TMEM151A: variants seen among roughly 807,000 people sequenced by gnomAD.
The protein encoded by TMEM151A is transmembrane protein 151.
A neutral mutation model predicts 33.7 loss-of-function variants in TMEM151A; 21 were observed. That is an observed-to-expected ratio of 0.62 (90% confidence interval 0.44 to 0.90). TMEM151A has a LOEUF of 0.90. Among genes scored for constraint, TMEM151A ranks in the 40% least tolerant of loss-of-function variants. The probability of loss-of-function intolerance (pLI) is 0.00; values close to 1 mark genes in which losing one functional copy is unlikely to be tolerated. For missense variants in TMEM151A, 704 were observed against 697.7 expected, an observed-to-expected ratio of 1.01 and a Z score of -0.10; for synonymous variants, 374 against 330.3, an observed-to-expected ratio of 1.13 and a Z score of -1.43.
rs1305463827 is a variant in TMEM151A at position 66,291,964 on chromosome 11, C to A, written c.-50C>A. The stretch of plus-strand genomic sequence containing the variant: ...CGCGTCGCAGCCCTCCGTGCTCCCC[C>A]CTATCATGCCCGGTGCCCAGGCTGG... On this transcript the variant is annotated 5_prime_UTR_variant, in exon 1 of 2. Coordinates refer to ENST00000327259, the MANE Select transcript of TMEM151A (RefSeq NM_153266.4). 2.1e-6 allele frequency: 3 copies of A among 1,453,216 alleles called. No individual in the cohort carries two copies. The highest frequency in any genetic ancestry group is 3.0e-5 in the African/African-American group (2 of 67,402). 90.0% of individuals were successfully genotyped at this position (1,453,216 alleles called of 1,614,324 possible).
At chr11:66,293,468 C>T (rs1376077116) in intron 1 of TMEM151A, among the ~76,000 whole-genome samples, 1 of 152,088 alleles carries the variant, frequency 6.6e-6, no homozygotes, top group East Asian at 1.9e-4. Flanking sequence ...GGCAAGCCCT[C>T]TGAGCCAGGG....
intron 1 of TMEM151A, among the ~76,000 whole-genome samples, chr11:66,294,081 T>C (rs1377781892): frequency 6.6e-6 from 1 of 152,208 alleles, no homozygotes; most frequent in South Asian, 2.1e-4. Flanking sequence ...TGCCGAGTGC[T>C]AGCACGGCAC....
At position 66,295,607 on chromosome 11, in the gene TMEM151A, T is replaced by C. The variant is rs1414617767; in HGVS notation, c.1361T>C (p.Val454Ala). ...EDALYFPVLIVHGDSGCQGDG... is the reference protein window; with the variant it reads ...EDALYFPVLIAHGDSGCQGDG... Reference sequence around the variant, plus strand: ...GCCCTCTACTTCCCGGTGCTCATTGTCCACGGAGACAGCGGCTGCCAGGGG... The same window carrying C: ...GCCCTCTACTTCCCGGTGCTCATTGCCCACGGAGACAGCGGCTGCCAGGGG... The change falls in exon 2 of 2, where the codon GTC becomes GCC. Residue 454 changes from valine to alanine, a missense_variant. Physicochemically the swap from Val to Ala is moderately conservative, Grantham distance 64. Transcript: ENST00000327259. The C allele has an allele frequency of 3.9e-6, 6 of 1,548,404 alleles. No homozygotes were observed. The highest frequency in any genetic ancestry group is 1.4e-5 in the African/African-American group (1 of 70,126).
rs770025041 is a variant in TMEM151A at position 66,292,243 on chromosome 11, G to A, written c.75+155G>A. On this transcript the variant is annotated intron_variant, in intron 1 of 1. Transcript: ENST00000327259. The surrounding 1 kb of genome is among the most constrained non-coding windows in gnomAD (Gnocchi z 4.7). ...CACCTGCGCCCTGCCAAGGGTCCAG[G>A]GGCCCGCGTTGGGGGTAGGGGTGGG... 6.6e-6 allele frequency among the ~76,000 whole-genome samples: 1 copy of A among 152,096 alleles called. No homozygotes were observed. Among genetic ancestry groups the A allele is most frequent in the Non-Finnish European group, 1.5e-5 (1 of 67,992 alleles).
rs768727844 is a variant in TMEM151A, at chr11:66,295,460, G to C, written c.1214G>C (p.Arg405Pro). 1.3e-5 allele frequency: 18 copies of C among 1,426,880 alleles called. 1 individual carries two copies. In the South Asian group the frequency reaches 2.7e-4, roughly 21 times the overall value. The allele number at this position is 1,426,880 out of a possible 1,614,324, so 88.4% of individuals were successfully genotyped here. ...CCCCGCCTGCCCTTCAGCCGCAGCCGCCTCTCGCTGGGCGCTGGCGGCCGG... is the reference window on the plus strand; with the variant it reads ...CCCCGCCTGCCCTTCAGCCGCAGCCCCCTCTCGCTGGGCGCTGGCGGCCGG... ...SGPRLPFSRS[R>P]LSLGAGGRAT... Residue 405 changes from arginine (R) to proline (P), a missense_variant, in exon 2 of 2, where the codon CGC becomes CCC. This residue lies in a region of TMEM151A where 398 missense variants were observed against 356.0 expected (regional missense o/e 1.12). Coordinates refer to ENST00000327259, the MANE Select transcript of TMEM151A (RefSeq NM_153266.4).
chr11:66,295,012 C>G lies in TMEM151A; in HGVS notation c.766C>G (p.Arg256Gly). Reference sequence around the variant, plus strand: ...GGGCCTGGACGACTATCTGGAGGCGCGCGAGGGCATGCACCTGAAGGACGT... The same window carrying G: ...GGGCCTGGACGACTATCTGGAGGCGGGCGAGGGCATGCACCTGAAGGACGT... ...NEGLDDYLEA[R>G]EGMHLKDVDF... The change falls in exon 2 of 2, where the codon CGC becomes GGC. Residue 256 changes from arginine to glycine, a missense_variant. This residue lies in a region of TMEM151A where 398 missense variants were observed against 356.0 expected (regional missense o/e 1.12). Transcript: ENST00000327259. The G allele has an allele frequency of 2.5e-6, 4 of 1,596,088 alleles. No individual in the cohort carries two copies. The highest frequency in any genetic ancestry group is 3.4e-6 in the Non-Finnish European group (4 of 1,177,778).
In TMEM151A at chr11:66,292,627, C is replaced by T. The variant is rs951825447; in HGVS notation, c.75+539C>T. On this transcript the variant is annotated intron_variant, in intron 1 of 1. Transcript: ENST00000327259. The surrounding 1 kb of genome is among the most constrained non-coding windows in gnomAD (Gnocchi z 4.7). ...CCTCAGCCCTAGCCAGGAAGGTCTGCAGGACCTGGGGCCCCGAGTGATGTG... is the reference window on the plus strand; with the variant it reads ...CCTCAGCCCTAGCCAGGAAGGTCTGTAGGACCTGGGGCCCCGAGTGATGTG... 1.3e-5 allele frequency among the ~76,000 whole-genome samples: 2 copies of T among 152,226 alleles called. No individual in the cohort carries two copies. The highest frequency in any genetic ancestry group is 2.4e-5 in the African/African-American group (1 of 41,458).
At position 66,295,283 on chromosome 11, in the gene TMEM151A, T is replaced by C. The variant is rs1857505049; in HGVS notation, c.1037T>C (p.Leu346Pro). 6.3e-6 allele frequency: 10 copies of C among 1,576,276 alleles called. No individual in the cohort carries two copies. Among genetic ancestry groups the C allele is most frequent in the Non-Finnish European group, 8.6e-6 (10 of 1,161,392 alleles). Residue 346 changes from leucine (L) to proline (P), a missense_variant, in exon 2 of 2, where the codon CTC becomes CCC. Around this residue, in one of 3 missense-constraint regions of TMEM151A, gnomAD observed 398 missense variants for 356.0 expected, o/e 1.12. Transcript: ENST00000327259. Reference protein sequence around the residue: ...SRVATVDFTELEWHICSNRQL... With the variant: ...SRVATVDFTEPEWHICSNRQL... ...GTGGCCACAGTGGACTTCACTGAGC[T>C]CGAGTGGCACATCTGCTCCAACCGG...
At position 66,295,767 on chromosome 11, in the gene TMEM151A, G is replaced by A. The variant is rs1192891141; in HGVS notation, c.*114G>A. 6.6e-6 allele frequency: 7 copies of A among 1,065,050 alleles called. No individual in the cohort carries two copies. The highest frequency in any genetic ancestry group is 3.4e-4 in the Middle Eastern group (1 of 2,966). 66.0% of individuals were successfully genotyped at this position (1,065,050 alleles called of 1,614,324 possible). ...AAAACAGACCAGCCACACACAAGGGGCAGGGGTGAGGGTGGGGGTGGGGGT... is the reference window on the plus strand; with the variant it reads ...AAAACAGACCAGCCACACACAAGGGACAGGGGTGAGGGTGGGGGTGGGGGT... On this transcript the variant is annotated 3_prime_UTR_variant, in exon 2 of 2. Coordinates refer to ENST00000327259, the MANE Select transcript of TMEM151A (RefSeq NM_153266.4).
Position 66,295,735 on chromosome 11 carries a change from A to G in TMEM151A, c.*82A>G. ...TGCCCGAGTGATTGTTGTCCAAAACAGGCGGGAAAACAGACCAGCCACACA... is the reference window on the plus strand; with the variant it reads ...TGCCCGAGTGATTGTTGTCCAAAACGGGCGGGAAAACAGACCAGCCACACA... On this transcript the variant is annotated 3_prime_UTR_variant, in exon 2 of 2. Transcript: ENST00000327259. The G allele has an allele frequency of 8.1e-7, 1 of 1,239,448 alleles. No homozygotes were observed. 76.8% of individuals were successfully genotyped at this position (1,239,448 alleles called of 1,614,324 possible). A position where few individuals can be genotyped will look rare whatever the true frequency, so the allele number is the denominator to read the frequency against.
chr11:66,293,043 C>T (rs1312030532), intron 1 of TMEM151A, among the ~76,000 whole-genome samples: 2 of 151,960 alleles, frequency 1.3e-5, no homozygotes, highest in East Asian at 1.9e-4. Flanking sequence ...TACCATGCTA[C>T]GGTTCTGGGA....
rs975585054 is a variant in TMEM151A, at chr11:66,296,015, C to T, written c.*362C>T. The T allele has an allele frequency of 4.1e-5, 8 of 195,792 alleles. No individual in the cohort carries two copies. Among genetic ancestry groups the T allele is most frequent in the South Asian group, 1.9e-4 (1 of 5,256 alleles). 12.1% of individuals were successfully genotyped at this position (195,792 alleles called of 1,614,324 possible). ...AGGCTGCCTGTGGACACTTCCCTACCGGGGCTGAGGCCATGCTGGGAGCCC... is the reference window on the plus strand; with the variant it reads ...AGGCTGCCTGTGGACACTTCCCTACTGGGGCTGAGGCCATGCTGGGAGCCC... On this transcript the variant is annotated 3_prime_UTR_variant, in exon 2 of 2. Transcript: ENST00000327259.
chr11:66,292,065 G>A lies in TMEM151A; in HGVS notation c.52G>A (p.Asp18Asn). The change falls in exon 1 of 2, where the codon GAC (aspartate) becomes AAC (asparagine). Residue 18 changes from aspartate (D) to asparagine (N), a missense_variant. This residue lies in a region of TMEM151A where 301 missense variants were observed against 323.4 expected (regional missense o/e 0.93). Coordinates refer to ENST00000327259, the MANE Select transcript of TMEM151A (RefSeq NM_153266.4). This position sits in a 1 kb window ranked among gnomAD's most constrained non-coding sequence, Gnocchi z 4.7. ...CGGGGAGGTGCCCGCGCTCATCCCGGACGGCGAGCCGCTGCGGGAAGAGGT... is the reference window on the plus strand; with the variant it reads ...CGGGGAGGTGCCCGCGCTCATCCCGAACGGCGAGCCGCTGCGGGAAGAGGT... ...DGGEVPALIP[D>N]GEPLREEQRP... 5 of 1,488,278 alleles carry A rather than the reference G, an allele frequency of 3.4e-6. No homozygotes were observed. Among genetic ancestry groups the A allele is most frequent in the Non-Finnish European group, 3.5e-6 (4 of 1,126,948 alleles). 92.2% of individuals were successfully genotyped at this position (1,488,278 alleles called of 1,614,324 possible).
Position 66,292,311 on chromosome 11 carries a change from T to A in TMEM151A, c.75+223T>A, listed in dbSNP as rs6591210. On this transcript the variant is annotated intron_variant, in intron 1 of 1. Transcript: ENST00000327259. This position sits in a 1 kb window ranked among gnomAD's most constrained non-coding sequence, Gnocchi z 4.7. ...TGCGGGGCGACTTCCGCCCCCGGCG[T>A]CCCCTCATCCAGCCTCGCCCGTCCT... Among the ~76,000 whole-genome samples the A allele has an allele frequency of 1.2e-4, 19 of 152,128 alleles. No individual in the cohort carries two copies. The highest frequency in any genetic ancestry group is 2.5e-4 in the Non-Finnish European group (17 of 67,994).
In TMEM151A at chr11:66,295,851, G is replaced by A. The variant is rs1054552469; in HGVS notation, c.*198G>A. 10 of 443,326 alleles carry A rather than the reference G, an allele frequency of 2.3e-5. No individual in the cohort carries two copies. Among genetic ancestry groups the A allele is most frequent in the Non-Finnish European group, 3.8e-5 (10 of 263,168 alleles). The allele number at this position is 443,326 out of a possible 1,614,324, so 27.5% of individuals were successfully genotyped here. ...CATTTTGGAGGAAGTGGAAGCCTAA[G>A]AATCGCCCCCAGCATGGCTTCATCC... On this transcript the variant is annotated 3_prime_UTR_variant, in exon 2 of 2. Transcript: ENST00000327259.
Position 66,294,430 on chromosome 11 carries a change from T to C in TMEM151A, c.184T>C (p.Cys62Arg), listed in dbSNP as rs1415240844. Reference protein sequence around the residue: ...IHACGAVVAWCRLATVPRLVL... With the variant: ...IHACGAVVAWRRLATVPRLVL... ...CGCCTGCGGGGCCGTGGTGGCCTGGTGTCGCCTGGCCACAGTGCCGCGGCT... is the reference window on the plus strand; with the variant it reads ...CGCCTGCGGGGCCGTGGTGGCCTGGCGTCGCCTGGCCACAGTGCCGCGGCT... Residue 62 changes from cysteine to arginine, a missense_variant, in exon 2 of 2, where the codon TGT (cysteine) becomes CGT (arginine). Cys to Arg is a radical substitution (Grantham distance 180). This residue lies in a region of TMEM151A where 301 missense variants were observed against 323.4 expected (regional missense o/e 0.93). Transcript: ENST00000327259. The C allele has an allele frequency of 1.9e-6, 3 of 1,611,344 alleles. No homozygotes were observed. In the African/African-American group the frequency reaches 4.0e-5, roughly 22 times the overall value.
Position 66,292,026 on chromosome 11 carries a change from G to C in TMEM151A, c.13G>C (p.Gly5Arg). ...CAGCCAGGACACCATGCCCGAGGACGGCGCTGGCGACGGCGGGGAGGTGCC... is the reference window on the plus strand; with the variant it reads ...CAGCCAGGACACCATGCCCGAGGACCGCGCTGGCGACGGCGGGGAGGTGCC... MPED[G>R]AGDGGEVPAL... Residue 5 changes from glycine (G) to arginine (R), a missense_variant, in exon 1 of 2, where the codon GGC (glycine) becomes CGC (arginine). Around this residue, in one of 3 missense-constraint regions of TMEM151A, gnomAD observed 301 missense variants for 323.4 expected, o/e 0.93. Coordinates refer to ENST00000327259, the MANE Select transcript of TMEM151A (RefSeq NM_153266.4). This position sits in a 1 kb window ranked among gnomAD's most constrained non-coding sequence, Gnocchi z 4.7. 6.7e-7 allele frequency: 1 copy of C among 1,502,320 alleles called. No individual in the cohort carries two copies. The highest frequency in any genetic ancestry group is 8.8e-7 in the Non-Finnish European group (1 of 1,132,386). 93.1% of individuals were successfully genotyped at this position (1,502,320 alleles called of 1,614,324 possible).
chr11:66,295,343 T>G lies in TMEM151A; in HGVS notation c.1097T>G (p.Met366Arg). 6.3e-7 allele frequency: 1 copy of G among 1,585,370 alleles called. No individual in the cohort carries two copies. The change falls in exon 2 of 2, where the codon ATG becomes AGG. Residue 366 changes from methionine (M) to arginine (R), a missense_variant. Physicochemically the swap from Met to Arg is moderately conservative, Grantham distance 91. This residue lies in a region of TMEM151A where 398 missense variants were observed against 356.0 expected (regional missense o/e 1.12). Transcript: ENST00000327259. ...LVPSYSEAVV[M>R]GAGSGAYLRG... ...CCCAGCTACTCGGAGGCCGTGGTCA[T>G]GGGCGCGGGCTCGGGCGCCTACCTC...
rs1854324130 is a variant in TMEM151A at position 66,296,591 on chromosome 11, C to T, written c.*938C>T. 6.6e-6 allele frequency: 1 copy of T among 152,552 alleles called. No homozygotes were observed. The highest frequency in any genetic ancestry group is 2.4e-5 in the African/African-American group (1 of 41,406). 9.4% of individuals were successfully genotyped at this position (152,552 alleles called of 1,614,324 possible). Reference sequence around the variant, plus strand: ...GTTCCTTCCCTTTCAACGAGGGCTTCCACGCCCTCTAAGGGGTGGCGGGGA... The same window carrying T: ...GTTCCTTCCCTTTCAACGAGGGCTTTCACGCCCTCTAAGGGGTGGCGGGGA... On this transcript the variant is annotated 3_prime_UTR_variant, in exon 2 of 2. Coordinates refer to ENST00000327259, the MANE Select transcript of TMEM151A (RefSeq NM_153266.4).
Sources: gnomAD v4.1 joint callset for allele counts (sites outside exome capture counted in the v4.1 genomes callset) on GRCh38, gnomAD v4.1.1 for gene constraint, gnomAD v4.1.1 regional missense constraint, Gnocchi (gnomAD v3.1) non-coding constraint, MANE v1.5 for transcripts, NCBI Gene and HGNC (gene_info 2026-07-23, HGNC 2026-07-21) for gene names.